The following LMF1 variants were observed in gnomAD, a reference collection of about 807,000 sequenced individuals.
LMF1 encodes the protein lipase maturation factor 1.
A neutral mutation model predicts 60.6 loss-of-function variants in LMF1; 68 were observed. That is an observed-to-expected ratio of 1.12 (90% confidence interval 0.92 to 1.37). The LOEUF is 1.37. LMF1 is among the 40% of genes most tolerant of loss of function. The probability of loss-of-function intolerance (pLI) is 0.00; values close to 1 mark genes in which losing one functional copy is unlikely to be tolerated. For synonymous variants in LMF1, 418 were observed against 324.7 expected, an observed-to-expected ratio of 1.29 and a Z score of -3.09; for missense variants, 948 against 767.2, an observed-to-expected ratio of 1.24 and a Z score of -2.78.
At chr16:918,111 A>G (rs2071330931) in intron 3 of LMF1, among the ~76,000 whole-genome samples, 1 of 152,232 alleles carries the variant, frequency 6.6e-6, no homozygotes, top group African/African-American at 2.4e-5. Context: ...GACATCTCTG[A>G]AAGTGCTGGT....
intron 8 of LMF1, 75 bp downstream of exon 8, chr16:870,654 C>T (rs956130206): frequency 6.4e-7 from 1 of 1,554,248 alleles, no homozygotes; most frequent in Non-Finnish European, 8.8e-7. Flanking sequence ...ACTGTAACCC[C>T]ACCTGAATGT....
intron 2 of LMF1, chr16:952,658 G>A (rs9939520): frequency 0.48 from 72,481 of 152,404 alleles, 18,986 homozygotes; most frequent in African/African-American, 0.7. Context: ...TCCCGTCCAC[G>A]AAAGACACAA....
intron 1 of LMF1, among the ~76,000 whole-genome samples, chr16:963,664 T>A (rs1024227822): frequency 6.6e-6 from 1 of 152,010 alleles, no homozygotes; most frequent in Non-Finnish European, 1.5e-5. Flanking sequence ...GGGACCTAAT[T>A]GGCGCTAGCT....
At chr16:862,967 A>G (rs905516068) in intron 10 of LMF1, among the ~76,000 whole-genome samples, 3 of 152,192 alleles carry the variant, frequency 2.0e-5, no homozygotes, top group African/African-American at 7.2e-5. Flanking sequence ...CTGAGCCTGG[A>G]TATTTCTTTT....
At chr16:891,287 C>A (rs1226617041) in intron 5 of LMF1, among the ~76,000 whole-genome samples, 1 of 152,208 alleles carries the variant, frequency 6.6e-6, no homozygotes, top group East Asian at 1.9e-4. Flanking sequence ...TCCTGGGGAT[C>A]CTGAGACACT....
intron 2 of LMF1, 56 bp downstream of exon 2, chr16:954,301 C>A: frequency 6.6e-7 from 1 of 1,523,128 alleles, no homozygotes; most frequent in African/African-American, 1.4e-5. Context: ...ACCTGCAGTG[C>A]CTGTGCTGAG....
chr16:871,011 TCACA>T, intron 7 of LMF1, 129 bp from the exon 8 acceptor site: 1 of 1,405,424 alleles, frequency 7.1e-7, no homozygotes, highest in Non-Finnish European at 9.5e-7. Flanking sequence ...GCACCCGAAC[TCACA>T]CACCTTGTTC....
At chr16:888,843 C>T (rs550925914) in intron 5 of LMF1, among the ~76,000 whole-genome samples, 1 of 152,292 alleles carries the variant, frequency 6.6e-6, no homozygotes, top group East Asian at 1.9e-4. Context: ...GAGGGATGCA[C>T]AGGTGGGCAG....
chr16:887,467 T>TG (rs1313382360), intron 5 of LMF1, among the ~76,000 whole-genome samples: 25 of 151,892 alleles, frequency 1.6e-4, no homozygotes, highest in Non-Finnish European at 3.4e-4. Flanking sequence ...TCGGTACCCG[T>TG]GGGGGAGCTC....
chr16:919,028 A>G (rs1358656244), intron 3 of LMF1, among the ~76,000 whole-genome samples: 2 of 152,122 alleles, frequency 1.3e-5, no homozygotes, highest in Non-Finnish European at 2.9e-5. Flanking sequence ...CGCACAGCAC[A>G]GTAGCATCCA....
chr16:920,311 G>A (rs1034310056), intron 3 of LMF1, among the ~76,000 whole-genome samples: 14 of 152,218 alleles, frequency 9.2e-5, no homozygotes, highest in East Asian at 5.8e-4. Flanking sequence ...CACCCCAAGC[G>A]CTGGCTCCAC....
At chr16:971,750 T>C (rs1567344226), upstream of LMF1, among the ~76,000 whole-genome samples, 1 of 152,034 alleles carries the variant, frequency 6.6e-6, no homozygotes, top group Non-Finnish European at 1.5e-5. Flanking sequence ...AGGGCTGGGG[T>C]CACAGGCATT....
rs8061694 is a variant in LMF1 at position 874,016 on chromosome 16, C to T, written c.898-2675G>A. On this transcript the variant is annotated intron_variant, in intron 6 of 10. Coordinates refer to ENST00000262301, the MANE Select transcript of LMF1 (RefSeq NM_022773.4). The surrounding 1 kb of genome is among the most constrained non-coding windows in gnomAD (Gnocchi z 4.1). ...GAGTCGGGAATCCAGAGATGAAGCT[C>T]CCAGTGGCTGGTGGAGGCCCGGCGG... Among the ~76,000 whole-genome samples the T allele has an allele frequency of 7.6e-4, 115 of 152,316 alleles. No homozygotes were observed. Among genetic ancestry groups the T allele is most frequent in the African/African-American group, 2.6e-3 (110 of 41,568 alleles).
At chr16:967,404 G>A (rs1288605957) in intron 1 of LMF1, among the ~76,000 whole-genome samples, 4 of 152,330 alleles carry the variant, frequency 2.6e-5, no homozygotes, top group African/African-American at 4.8e-5. Flanking sequence ...CCTCTGTTCC[G>A]GTGAGCCTGG....
chr16:880,070 C>T (rs527895243), intron 5 of LMF1, among the ~76,000 whole-genome samples: 11 of 152,200 alleles, frequency 7.2e-5, no homozygotes, highest in Non-Finnish European at 1.5e-4. Context: ...AACAGGCAGT[C>T]GGAGAACGCG....
chr16:860,022 TCTC>T, intron 10 of LMF1, among the ~76,000 whole-genome samples: 1 of 151,626 alleles, frequency 6.6e-6, no homozygotes, highest in South Asian at 2.1e-4. Context: ...GACAGGCATT[TCTC>T]CTGAGCTTAT....
intron 1 of LMF1, 75 bp from the exon 2 acceptor site, chr16:954,741 T>C: frequency 7.0e-7 from 1 of 1,421,912 alleles, no homozygotes. Context: ...CAGCTCAGAA[T>C]GCGGGGCGAG....
intron 2 of LMF1, among the ~76,000 whole-genome samples, chr16:945,151 C>T (rs2072205931): frequency 7.2e-6 from 1 of 138,190 alleles, no homozygotes; most frequent in Non-Finnish European, 1.5e-5. Flanking sequence ...GTGGAGGCTG[C>T]AATGGACCGA....
chr16:929,641 C>A (rs1275241288), intron 3 of LMF1, among the ~76,000 whole-genome samples: 2 of 152,262 alleles, frequency 1.3e-5, no homozygotes, highest in South Asian at 2.1e-4. Context: ...CGGCCACATT[C>A]GGGGCTGCGG....
Sources: allele counts gnomAD v4.1 joint callset (sites outside exome capture counted in the v4.1 genomes callset), GRCh38; gene constraint gnomAD v4.1.1; non-coding constraint Gnocchi (gnomAD v3.1); transcripts MANE v1.5; gene names NCBI Gene and HGNC (gene_info 2026-07-23, HGNC 2026-07-21).